The following NCAM2 variants were observed in gnomAD, a reference collection of about 807,000 sequenced individuals.
The protein encoded by NCAM2 is N-CAM-2.
Under a neutral mutation model 98.1 loss-of-function variants are expected in NCAM2, and 30 were observed. The observed-to-expected ratio is 0.31, with a 90% CI of 0.23 to 0.41. The LOEUF (loss-of-function observed/expected upper bound fraction) is 0.41. Ranked by LOEUF, NCAM2 falls within the 10% of genes least tolerant of loss-of-function variation. The pLI, the probability that NCAM2 is intolerant of heterozygous loss-of-function variation, is 1.00. For missense variants in NCAM2, 867 were observed against 1,005.8 expected (o/e 0.86, Z 1.87); for synonymous variants, 368 against 342.4 (o/e 1.07, Z -0.83).
chr21:21,413,066 C>T (rs1569035910), intron 10 of NCAM2, among the ~76,000 whole-genome samples: 1 of 151,964 alleles, frequency 6.6e-6, no homozygotes, highest in African/African-American at 2.4e-5. Flanking sequence ...TAAAACATAA[C>T]CAAATATTCA....
intron 15 of NCAM2, among the ~76,000 whole-genome samples, chr21:21,487,407 A>G (rs994769104): frequency 5.9e-5 from 9 of 152,034 alleles, no homozygotes; most frequent in African/African-American, 2.2e-4. Context: ...TTTTCATACA[A>G]TGGAGTTTTA....
chr21:21,505,337 T>TG (rs1286593429), intron 15 of NCAM2, among the ~76,000 whole-genome samples: 2 of 152,068 alleles, frequency 1.3e-5, no homozygotes, highest in African/African-American at 2.4e-5. Flanking sequence ...AGAAGGAAGC[T>TG]GTCTGCAAAG....
intron 6 of NCAM2, 30 bp downstream of exon 6, chr21:21,324,530 T>A (rs757084519): frequency 1.4e-6 from 2 of 1,438,834 alleles, no homozygotes; most frequent in Admixed American, 1.7e-5. Flanking sequence ...CCCTCTGGCT[T>A]GTGTCCATTA....
chr21:21,064,153 T>C (rs1169037486), intron 1 of NCAM2, among the ~76,000 whole-genome samples: 4 of 152,118 alleles, frequency 2.6e-5, no homozygotes, highest in African/African-American at 9.7e-5. Flanking sequence ...GGCTACAGCA[T>C]TGAATGTGGA....
intron 1 of NCAM2, among the ~76,000 whole-genome samples, chr21:21,077,935 C>T (rs2065713128): frequency 6.6e-6 from 1 of 151,964 alleles, no homozygotes; most frequent in Non-Finnish European, 1.5e-5. Context: ...TGAGGTGTAC[C>T]AGTAAATTTT....
At chr21:21,453,067 T>G (rs1981558472) in intron 12 of NCAM2, among the ~76,000 whole-genome samples, 2 of 122,452 alleles carry the variant, frequency 1.6e-5, no homozygotes, top group South Asian at 2.3e-4. Context: ...ATAAATATAT[T>G]TATAAATTAT....
At chr21:21,213,267 T>C (rs972941898) in intron 1 of NCAM2, among the ~76,000 whole-genome samples, 1 of 152,202 alleles carries the variant, frequency 6.6e-6, no homozygotes, top group Non-Finnish European at 1.5e-5. Context: ...ACATGGATAA[T>C]GTATTTAACT....
At chr21:21,490,068 G>A (rs909726045) in intron 15 of NCAM2, among the ~76,000 whole-genome samples, 2 of 151,630 alleles carry the variant, frequency 1.3e-5, no homozygotes, top group Non-Finnish European at 2.9e-5. Context: ...CTTTAGTTTT[G>A]TTGTCTAAAA....
chr21:21,513,739 T>G (rs141319229), intron 16 of NCAM2, among the ~76,000 whole-genome samples: 1 of 152,178 alleles, frequency 6.6e-6, no homozygotes, highest in East Asian at 1.9e-4. Context: ...TTAGGACTTA[T>G]GTTTCTCTGT....
At chr21:21,175,845 A>G (rs1375669160) in intron 1 of NCAM2, among the ~76,000 whole-genome samples, 3 of 152,214 alleles carry the variant, frequency 2.0e-5, no homozygotes, top group African/African-American at 4.8e-5. Flanking sequence ...ACTTCTGGAT[A>G]GATTCCTAAA....
chr21:21,476,463 C>A (rs924227071), intron 14 of NCAM2, among the ~76,000 whole-genome samples: 28 of 151,982 alleles, frequency 1.8e-4, no homozygotes, highest in Admixed American at 1.3e-4. Flanking sequence ...AGAAGGAAGA[C>A]AAGCCAGAAA....
At chr21:21,144,573 G>A (rs953553801) in intron 1 of NCAM2, among the ~76,000 whole-genome samples, 5 of 149,858 alleles carry the variant, frequency 3.3e-5, no homozygotes, top group African/African-American at 1.2e-4. Flanking sequence ...TCCTAAAATC[G>A]ATCTACACAT....
intron 1 of NCAM2, among the ~76,000 whole-genome samples, chr21:21,090,432 T>A (rs1158497880): frequency 1.3e-5 from 2 of 152,168 alleles, no homozygotes; most frequent in Non-Finnish European, 2.9e-5. Flanking sequence ...GACAGTTTTA[T>A]TCTTGTTATT....
chr21:21,261,441 C>CTTGG (rs1224709784), intron 1 of NCAM2, among the ~76,000 whole-genome samples: 1 of 152,070 alleles, frequency 6.6e-6, no homozygotes, highest in African/African-American at 2.4e-5. Flanking sequence ...TGACCACATG[C>CTTGG]TTGGTAATCA....
chr21:21,129,812 A>G (rs964809934), intron 1 of NCAM2, among the ~76,000 whole-genome samples: 3 of 152,194 alleles, frequency 2.0e-5, no homozygotes, highest in Non-Finnish European at 4.4e-5. Flanking sequence ...AGTATGGTAA[A>G]TTCATTGTAT....
At chr21:21,071,553 C>T (rs1275727251) in intron 1 of NCAM2, among the ~76,000 whole-genome samples, 1 of 152,096 alleles carries the variant, frequency 6.6e-6, no homozygotes, top group Non-Finnish European at 1.5e-5. Flanking sequence ...AAGTTGCAGG[C>T]ATTGCATTGA....
intron 1 of NCAM2, among the ~76,000 whole-genome samples, chr21:21,267,928 C>T (rs896078771): frequency 2.6e-5 from 4 of 152,058 alleles, no homozygotes; most frequent in Non-Finnish European, 5.9e-5. Context: ...ATATACCTTC[C>T]TGAGATATCA....
intron 1 of NCAM2, among the ~76,000 whole-genome samples, chr21:21,232,182 A>G (rs140717186): frequency 0.012 from 1,856 of 151,620 alleles, 20 homozygotes; most frequent in Middle Eastern, 0.027. Context: ...CCTGTCACCC[A>G]AGTAATGCTA....
At chr21:21,043,902 C>T (rs939007793) in intron 1 of NCAM2, among the ~76,000 whole-genome samples, 17 of 149,388 alleles carry the variant, frequency 1.1e-4, no homozygotes, top group Admixed American at 2.7e-4. Context: ...TCTTTCTTTG[C>T]AAATATTAAA....
Sources: allele counts gnomAD v4.1 joint callset (sites outside exome capture counted in the v4.1 genomes callset), GRCh38; gene constraint gnomAD v4.1.1; transcripts MANE v1.5; gene names NCBI Gene and HGNC (gene_info 2026-07-23, HGNC 2026-07-21).